Variants in TMEM26 observed in about 807,000 individuals in gnomAD.
TMEM26 encodes the protein transmembrane protein 26.
In TMEM26, 38 loss-of-function variants were observed where a neutral mutation model predicts 28.8. The ratio of observed to expected loss-of-function variants is 1.32; its 90% CI spans 1.02 to 1.73. The LOEUF (loss-of-function observed/expected upper bound fraction) is 1.73. Among genes scored for constraint, TMEM26 ranks in the 40% most tolerant of loss-of-function variants. The probability of loss-of-function intolerance (pLI) is 0.00; values close to 1 mark genes in which losing one functional copy is unlikely to be tolerated. For missense variants in TMEM26, 518 were observed against 447.1 expected, an observed-to-expected ratio of 1.16 and a Z score of -1.43; for synonymous variants, 227 against 182.9, an observed-to-expected ratio of 1.24 and a Z score of -1.95.
intron 1 of TMEM26, among the ~76,000 whole-genome samples, chr10:61,446,048 G>A (rs1028553804): frequency 2.0e-5 from 3 of 152,128 alleles, no homozygotes; most frequent in Non-Finnish European, 4.4e-5. Context: ...AGTTCTAAAT[G>A]TCTCAGTTGA....
Position 61,428,788 on chromosome 10 carries a change from CA to C in TMEM26, c.605+137del, listed in dbSNP as rs1434084686. Reference sequence around the variant, plus strand: ...CTCGTTTCTAATACGTAAACAGCAGCAAATTCTCTGATCCTAACGTTGCATA... The same window carrying C: ...CTCGTTTCTAATACGTAAACAGCAGCAATTCTCTGATCCTAACGTTGCATA... On this transcript the variant is annotated intron_variant, in intron 4 of 5. Coordinates refer to ENST00000399298, the MANE Select transcript of TMEM26 (RefSeq NM_178505.8). 1.6e-4 allele frequency: 116 copies of C among 724,186 alleles called. No homozygotes were observed. In the East Asian group the frequency reaches 3.1e-3, roughly 19 times the overall value. The allele number at this position is 724,186 out of a possible 1,614,324, so 44.9% of individuals were successfully genotyped here.
At chr10:61,447,524 C>T (rs1840204357) in intron 1 of TMEM26, among the ~76,000 whole-genome samples, 1 of 152,086 alleles carries the variant, frequency 6.6e-6, no homozygotes, top group Non-Finnish European at 1.5e-5. Flanking sequence ...CCTAACTTGT[C>T]TTTTCTGTTT....
intron 2 of TMEM26, among the ~76,000 whole-genome samples, chr10:61,435,382 C>A (rs995475385): frequency 2.0e-5 from 3 of 152,096 alleles, no homozygotes; most frequent in Non-Finnish European, 2.9e-5. Context: ...GGTTTCACCA[C>A]GTTGGCCAGG....
In TMEM26 at chr10:61,429,114, T is replaced by C. The variant is rs1839879883; in HGVS notation, c.417A>G (p.Val139=). The C allele has an allele frequency of 6.2e-7, 1 of 1,613,118 alleles. No homozygotes were observed. Among genetic ancestry groups the C allele is most frequent in the Non-Finnish European group, 8.5e-7 (1 of 1,179,380 alleles). Residue 139 remains valine, a synonymous_variant, in exon 4 of 6, where the codon GTA becomes GTG. Transcript: ENST00000399298. ...AKVFVNNLST[V]CEKVWTLGLH... is the part of the protein sequence containing the mutation. The stretch of plus-strand genomic sequence containing the variant: ...GTCCCAATGTCCAAACTTTCTCACA[T>C]ACTGTAGATAAGTTATTCACAAAAA...
rs943019550 is a variant in TMEM26 at position 61,442,689 on chromosome 10, C to T, written c.192-6441G>A. On this transcript the variant is annotated intron_variant, in intron 1 of 5. Transcript: ENST00000399298. ...GGAGCACTTTATAAAAGTTTATTTT[C>T]GTGGAAATCAAAAAACCAGGTCATG... Among the ~76,000 whole-genome samples the T allele has an allele frequency of 3.3e-5, 5 of 152,208 alleles. No homozygotes were observed. In the East Asian group the frequency reaches 7.7e-4, roughly 24 times the overall value.
chr10:61,427,524 G>A (rs531076748), intron 4 of TMEM26, among the ~76,000 whole-genome samples: 15 of 152,082 alleles, frequency 9.9e-5, no homozygotes, highest in African/African-American at 2.4e-4. Context: ...TTTTATTCAC[G>A]AAATTATTTA....
chr10:61,413,736 T>TAA, intron 4 of TMEM26: 2 of 1,268,050 alleles, frequency 1.6e-6, no homozygotes, highest in Non-Finnish European at 2.0e-6. Flanking sequence ...ATCTGAGACT[T>TAA]AAAGCCCAAC....
chr10:61,412,270 G>C (rs556914571), intron 5 of TMEM26, among the ~76,000 whole-genome samples: 3 of 151,938 alleles, frequency 2.0e-5, no homozygotes, highest in Non-Finnish European at 4.4e-5. Flanking sequence ...GTGTGTGTTA[G>C]CATACATTTG....
At chr10:61,449,721 A>G (rs1445931504) in intron 1 of TMEM26, among the ~76,000 whole-genome samples, 1 of 152,134 alleles carries the variant, frequency 6.6e-6, no homozygotes, top group East Asian at 1.9e-4. Flanking sequence ...ATTCATGTTT[A>G]GTCAATCATT....
rs1839513347 is a variant in TMEM26, at chr10:61,407,686, CA to C, written c.*2635del. On this transcript the variant is annotated 3_prime_UTR_variant, in exon 6 of 6. Transcript: ENST00000399298. ...GGATATTTGACTGAGTTTAATCAAG[CA>C]ATTAAATAACAACTATGGCAATAAT... 1 of 152,024 alleles carries C rather than the reference CA, an allele frequency of 6.6e-6. No homozygotes were observed. The highest frequency in any genetic ancestry group is 2.1e-4 in the South Asian group (1 of 4,830). The allele number at this position is 152,024 out of a possible 1,614,324, so 9.4% of individuals were successfully genotyped here. A position where few individuals can be genotyped will look rare whatever the true frequency, so the allele number is the denominator to read the frequency against.
intron 1 of TMEM26, among the ~76,000 whole-genome samples, chr10:61,442,653 G>A (rs12411790): frequency 0.03 from 4,611 of 152,130 alleles, 102 homozygotes; most frequent in African/African-American, 0.064. Context: ...CATGTCCTCC[G>A]TAAAATTTCT....
At chr10:61,426,856 TTTGCAGTGTCTATTC>T (rs1839841442) in intron 4 of TMEM26, among the ~76,000 whole-genome samples, 1 of 152,008 alleles carries the variant, frequency 6.6e-6, no homozygotes, top group Non-Finnish European at 1.5e-5. Context: ...AAAATAGATA[TTTGCAGTGTCTATTC>T]TTGCAGTATA....
At chr10:61,452,164 T>A (rs1840295341) in intron 1 of TMEM26, among the ~76,000 whole-genome samples, 1 of 152,178 alleles carries the variant, frequency 6.6e-6, no homozygotes, top group Non-Finnish European at 1.5e-5. Flanking sequence ...TTCAAGCCTT[T>A]CGGGGAGGAA....
At chr10:61,442,355 C>A (rs141106105) in intron 1 of TMEM26, among the ~76,000 whole-genome samples, 1 of 152,162 alleles carries the variant, frequency 6.6e-6, no homozygotes, top group African/African-American at 2.4e-5. Flanking sequence ...AAAAAAATAA[C>A]ATCCATTCAT....
chr10:61,410,107 T>G lies in TMEM26; in HGVS notation c.*215A>C. The G allele has an allele frequency of 1.7e-6, 1 of 583,874 alleles. No individual in the cohort carries two copies. Among genetic ancestry groups the G allele is most frequent in the South Asian group, 2.1e-5 (1 of 47,288 alleles). The allele number at this position is 583,874 out of a possible 1,614,324, so 36.2% of individuals were successfully genotyped here. A position where few individuals can be genotyped will look rare whatever the true frequency, so the allele number is the denominator to read the frequency against. On this transcript the variant is annotated 3_prime_UTR_variant, in exon 6 of 6. Coordinates refer to ENST00000399298, the MANE Select transcript of TMEM26 (RefSeq NM_178505.8). ...TTAGTCGTTGAACAACTATAACATC[T>G]GATACCATCACACAGAAGTTGTAGC...
At chr10:61,442,346 A>T (rs1449988471) in intron 1 of TMEM26, among the ~76,000 whole-genome samples, 1 of 152,198 alleles carries the variant, frequency 6.6e-6, no homozygotes, top group Non-Finnish European at 1.5e-5. Flanking sequence ...TTCTTATTGA[A>T]AAAAATAACA....
intron 4 of TMEM26, chr10:61,415,996 T>C: frequency 2.5e-6 from 1 of 399,402 alleles, no homozygotes; most frequent in African/African-American, 2.1e-5. Context: ...GGATTTCAGT[T>C]GCACCTGTGA....
In TMEM26 at chr10:61,410,493, A is replaced by G; in HGVS notation, c.936T>C (p.Arg312=). 6.2e-7 allele frequency: 1 copy of G among 1,614,128 alleles called. No homozygotes were observed. Among genetic ancestry groups the G allele is most frequent in the Non-Finnish European group, 8.5e-7 (1 of 1,180,012 alleles). The change falls in exon 6 of 6, where the codon CGT becomes CGC. Residue 312 remains arginine, a synonymous_variant. Transcript: ENST00000399298. ...YRLVVLALAV[R]ASLRSQSEGL... ...CTTCTGACTGACTTCTCAACGAAGC[A>G]CGGACTGCCAATGCCAGCACCACCA... is the stretch of plus-strand genomic sequence containing the variant.
chr10:61,430,633 T>C (rs766296048), intron 3 of TMEM26, among the ~76,000 whole-genome samples: 1 of 150,612 alleles, frequency 6.6e-6, no homozygotes, highest in East Asian at 1.9e-4. Context: ...GGATAAAAGG[T>C]TGATATACAA....
Sources: gnomAD v4.1 joint callset for allele counts (sites outside exome capture counted in the v4.1 genomes callset) on GRCh38, gnomAD v4.1.1 for gene constraint, MANE v1.5 for transcripts, NCBI Gene and HGNC (gene_info 2026-07-23, HGNC 2026-07-21) for gene names.